SOX6: variants seen among roughly 807,000 people sequenced by gnomAD.
The protein encoded by SOX6 is transcription factor SOX-6.
A neutral mutation model predicts 97.8 loss-of-function variants in SOX6; 11 were observed. The observed-to-expected ratio is 0.11, with a 90% CI of 0.07 to 0.19. SOX6 has a LOEUF of 0.19. Among genes scored for constraint, SOX6 ranks in the 10% least tolerant of loss-of-function variants. SOX6 has a pLI of 1.00. For synonymous variants in SOX6, 360 were observed against 371.4 expected, an observed-to-expected ratio of 0.97 and a Z score of 0.35; for missense variants, 810 against 1,039.5, an observed-to-expected ratio of 0.78 and a Z score of 3.04.
At chr11:16,624,769 G>A (rs182240000) in intron 3 of SOX6, among the ~76,000 whole-genome samples, 12 of 152,080 alleles carry the variant, frequency 7.9e-5, no homozygotes, top group Admixed American at 2.0e-4. Context: ...CAATTGCCTC[G>A]CATTTTACCT....
intron 4 of SOX6, among the ~76,000 whole-genome samples, chr11:16,583,612 TAC>T (rs1398006966): frequency 1.8e-4 from 8 of 43,938 alleles, no homozygotes; most frequent in African/African-American, 4.9e-4. Context: ...TGTATATATA[TAC>T]ATATATATAT....
At chr11:16,334,350 T>C (rs1856396662) in intron 2 of SOX6, among the ~76,000 whole-genome samples, 1 of 151,766 alleles carries the variant, frequency 6.6e-6, no homozygotes, top group South Asian at 2.1e-4. Context: ...ATGACTGGAG[T>C]GTGTTAATCA....
rs1848810385 is a variant in SOX6 at position 16,096,863 on chromosome 11, T to C, written c.979-745A>G. Among the ~76,000 whole-genome samples, 5 of 152,030 alleles carry C rather than the reference T, an allele frequency of 3.3e-5. No individual in the cohort carries two copies. The South Asian group carries it at 1.0e-3, about 31-fold the overall frequency. On this transcript the variant is annotated intron_variant, in intron 8 of 15. Transcript: ENST00000683767. ...TCCAAATACTGAATGTTTGACTTATTTTAATGATCTCAGCTTTTTGTTTTT... is the reference window on the plus strand; with the variant it reads ...TCCAAATACTGAATGTTTGACTTATCTTAATGATCTCAGCTTTTTGTTTTT...
chr11:16,559,513 C>T (rs151281752), intron 4 of SOX6, among the ~76,000 whole-genome samples: 110 of 152,114 alleles, frequency 7.2e-4, no homozygotes, highest in African/African-American at 2.6e-3. Flanking sequence ...TAATAAAATG[C>T]CTCATTCATT....
intron 15 of SOX6, among the ~76,000 whole-genome samples, chr11:15,980,577 A>G (rs1276775985): frequency 1.3e-5 from 2 of 151,854 alleles, no homozygotes; most frequent in Non-Finnish European, 2.9e-5. Flanking sequence ...CCTCCACCCT[A>G]CCCATCTTAT....
intron 4 of SOX6, among the ~76,000 whole-genome samples, chr11:16,486,800 ATT>A (rs1375827847): frequency 6.6e-6 from 1 of 152,174 alleles, no homozygotes; most frequent in African/African-American, 2.4e-5. Flanking sequence ...GTGAACCAAG[ATT>A]GCGCCACTGC....
chr11:16,068,456 T>C (rs537505000), intron 9 of SOX6, among the ~76,000 whole-genome samples: 1 of 152,278 alleles, frequency 6.6e-6, no homozygotes, highest in South Asian at 2.1e-4. Flanking sequence ...ATACTTTTAC[T>C]TTTCATAAAT....
At chr11:16,261,043 A>G (rs1410562753) in intron 3 of SOX6, among the ~76,000 whole-genome samples, 1 of 152,218 alleles carries the variant, frequency 6.6e-6, no homozygotes, top group Non-Finnish European at 1.5e-5. Flanking sequence ...TCATTCAGTT[A>G]TAATTTAAAA....
intron 1 of SOX6, among the ~76,000 whole-genome samples, chr11:16,426,123 G>A (rs1481619656): frequency 6.6e-6 from 1 of 151,348 alleles, no homozygotes; most frequent in Non-Finnish European, 1.5e-5. Context: ...AGGCGTGGTG[G>A]TGGGCGCCTG....
intron 3 of SOX6, among the ~76,000 whole-genome samples, chr11:16,695,943 G>A (rs892898463): frequency 3.3e-5 from 5 of 152,208 alleles, no homozygotes; most frequent in East Asian, 1.9e-4. Context: ...GGAAGCAGAC[G>A]TTGCAGTGAG....
At chr11:16,323,308 C>T (rs1157341500) in intron 2 of SOX6, among the ~76,000 whole-genome samples, 2 of 151,758 alleles carry the variant, frequency 1.3e-5, no homozygotes, top group Non-Finnish European at 2.9e-5. Context: ...TCCATATCGG[C>T]AAAAATAGAA....
chr11:16,375,949 G>A (rs1320256458), intron 1 of SOX6, among the ~76,000 whole-genome samples: 4 of 152,084 alleles, frequency 2.6e-5, no homozygotes, highest in African/African-American at 4.8e-5. Context: ...AACACCGCAT[G>A]TTCTCACTCA....
intron 4 of SOX6, among the ~76,000 whole-genome samples, chr11:16,195,756 T>G (rs961267121): frequency 6.6e-6 from 1 of 152,138 alleles, no homozygotes; most frequent in African/African-American, 2.4e-5. Context: ...ACTCCGACAT[T>G]CTCTGGCATT....
intron 12 of SOX6, among the ~76,000 whole-genome samples, chr11:16,039,034 G>C (rs1315214628): frequency 6.6e-6 from 1 of 152,026 alleles, no homozygotes; most frequent in Non-Finnish European, 1.5e-5. Context: ...CTTTTTGCCT[G>C]GTTACCAGGA....
intron 3 of SOX6, among the ~76,000 whole-genome samples, chr11:16,636,442 T>A (rs1026191637): frequency 1.3e-5 from 2 of 152,222 alleles, no homozygotes; most frequent in Non-Finnish European, 2.9e-5. Context: ...AGGAAGTAAG[T>A]AACTTGCTTT....
At chr11:16,672,160 G>A (rs2134024940) in intron 3 of SOX6, among the ~76,000 whole-genome samples, 1 of 152,280 alleles carries the variant, frequency 6.6e-6, no homozygotes, top group African/African-American at 2.4e-5. Context: ...ACTAAATATA[G>A]AAAGGAAAGA....
At chr11:16,164,321 T>A (rs1356623947) in intron 6 of SOX6, among the ~76,000 whole-genome samples, 1 of 152,222 alleles carries the variant, frequency 6.6e-6, no homozygotes, top group Non-Finnish European at 1.5e-5. Context: ...TGCTGTATGA[T>A]ACCATGTTCA....
intron 4 of SOX6, among the ~76,000 whole-genome samples, chr11:16,505,769 T>C (rs905957927): frequency 1.3e-5 from 2 of 152,212 alleles, no homozygotes; most frequent in Non-Finnish European, 2.9e-5. Context: ...GCATCCCAGC[T>C]GCCCCAGCTC....
chr11:16,594,187 C>T (rs970798655), intron 4 of SOX6, among the ~76,000 whole-genome samples: 1 of 152,142 alleles, frequency 6.6e-6, no homozygotes, highest in African/African-American at 2.4e-5. Flanking sequence ...TCCTACCCAA[C>T]ACAGGTTGTA....
Sources: allele counts gnomAD v4.1 joint callset (sites outside exome capture counted in the v4.1 genomes callset), GRCh38; gene constraint gnomAD v4.1.1; transcripts MANE v1.5; gene names NCBI Gene and HGNC (gene_info 2026-07-23, HGNC 2026-07-21).